Variants in CCPG1 observed in about 807,000 individuals in gnomAD.
CCPG1 encodes the protein cell cycle progression protein 1.
In CCPG1, 46 loss-of-function variants were observed where a neutral mutation model predicts 81.3. The ratio of observed to expected loss-of-function variants is 0.57; its 90% CI spans 0.45 to 0.72. The LOEUF is 0.72. Ranked by LOEUF, CCPG1 falls within the 30% of genes least tolerant of loss-of-function variation. The pLI is 0.00. For missense variants in CCPG1, 902 were observed against 937.6 expected (o/e 0.96, Z 0.50); for synonymous variants, 330 against 305.2 (o/e 1.08, Z -0.85).
At position 55,385,583 on chromosome 15, in the gene CCPG1, A is replaced by G. The variant is rs1362319930; in HGVS notation, c.175+17T>C. 2.2e-6 allele frequency: 3 copies of G among 1,371,930 alleles called. No homozygotes were observed. The highest frequency in any genetic ancestry group is 3.0e-6 in the Non-Finnish European group (3 of 989,072). 85.0% of individuals were successfully genotyped at this position (1,371,930 alleles called of 1,614,324 possible). A position where few individuals can be genotyped will look rare whatever the true frequency, so the allele number is the denominator to read the frequency against. ...ATATCATATTAAAAAAAAAATTAGA[A>G]TTTGTGAACAACTTACCTCCTTGCT... On this transcript the variant is annotated intron_variant, in intron 3 of 8. Coordinates refer to ENST00000442196, the MANE Select transcript of CCPG1 (RefSeq NM_001204450.2).
chr15:55,368,640 T>C (rs1035273663), intron 6 of CCPG1, among the ~76,000 whole-genome samples: 3 of 152,224 alleles, frequency 2.0e-5, no homozygotes, highest in African/African-American at 7.2e-5. Flanking sequence ...CTCATGAAAC[T>C]TTTTAATAAA....
At chr15:55,365,417 T>A in intron 6 of CCPG1, 108 bp from the exon 7 acceptor site, 1 of 655,476 alleles carries the variant, frequency 1.5e-6, no homozygotes, top group Non-Finnish European at 2.5e-6. Flanking sequence ...AGTCTTTTTT[T>A]TGTTTTTTTT....
rs200103886 is a variant in CCPG1, at chr15:55,365,410, CTTTTTTTTGTTTT to C, written c.707-114_707-102del. The C allele has an allele frequency of 8.0e-3, 4,389 of 547,192 alleles. 118 individuals carry two copies. Among genetic ancestry groups the C allele is most frequent in the African/African-American group, 0.076 (3,472 of 45,716 alleles). 33.9% of individuals were successfully genotyped at this position (547,192 alleles called of 1,614,324 possible). A position where few individuals can be genotyped will look rare whatever the true frequency, so the allele number is the denominator to read the frequency against. The stretch of plus-strand genomic sequence containing the variant: ...GTAATCTGCATATAAGCTATGTAGT[CTTTTTTTTGTTTT>C]TTTTTTTTGTTTTTTTTTTGTTTTT... On this transcript the variant is annotated intron_variant, in intron 6 of 8. Coordinates refer to ENST00000442196, the MANE Select transcript of CCPG1 (RefSeq NM_001204450.2).
intron 5 of CCPG1, among the ~76,000 whole-genome samples, chr15:55,376,569 T>A (rs923352758): frequency 6.6e-6 from 1 of 152,188 alleles, no homozygotes. Flanking sequence ...TTAATAACAA[T>A]TTTTTTCACT....
In CCPG1 at chr15:55,385,544, A is replaced by G; in HGVS notation, c.175+56T>C. 3.5e-6 allele frequency: 3 copies of G among 854,776 alleles called. No homozygotes were observed. The South Asian group carries it at 5.3e-5, about 15-fold the overall frequency. The allele number at this position is 854,776 out of a possible 1,614,324, so 52.9% of individuals were successfully genotyped here. On this transcript the variant is annotated intron_variant, in intron 3 of 8. Coordinates refer to ENST00000442196, the MANE Select transcript of CCPG1 (RefSeq NM_001204450.2). ...CCCACCTGGAAAGAAGGCAAGACTC[A>G]TAATATCACTCATATATCATATTAA... is the stretch of plus-strand genomic sequence containing the variant.
At chr15:55,389,503 A>C (rs1438785607) in intron 1 of CCPG1, 70 bp from the exon 2 acceptor site, 2 of 1,067,758 alleles carry the variant, frequency 1.9e-6, no homozygotes, top group Non-Finnish European at 2.9e-6. Context: ...ACTATATGTG[A>C]CACTAAGTTT....
chr15:55,380,154 A>G (rs1595844879), intron 3 of CCPG1, among the ~76,000 whole-genome samples: 2 of 151,932 alleles, frequency 1.3e-5, no homozygotes, highest in African/African-American at 2.4e-5. Flanking sequence ...TAAAAATAAT[A>G]TAACATATAA....
chr15:55,372,160 A>C, intron 5 of CCPG1, 116 bp from the exon 6 acceptor site: 1 of 943,414 alleles, frequency 1.1e-6, no homozygotes, highest in Non-Finnish European at 1.6e-6. Context: ...TAAGATAGCC[A>C]AAAACAAAAA....
At chr15:55,389,245 A>C (rs939986338) in intron 2 of CCPG1, 120 bp downstream of exon 2, 3 of 683,982 alleles carry the variant, frequency 4.4e-6, no homozygotes, top group Non-Finnish European at 7.7e-6. Context: ...TGAGAGGGAA[A>C]ATGTCCATTG....
At chr15:55,388,692 A>G (rs1057014248) in intron 2 of CCPG1, among the ~76,000 whole-genome samples, 20 of 152,250 alleles carry the variant, frequency 1.3e-4, no homozygotes, top group Admixed American at 1.2e-3. Flanking sequence ...GTTAAAGGTT[A>G]CATGGTACTA....
At chr15:55,382,935 G>A (rs915324526) in intron 3 of CCPG1, among the ~76,000 whole-genome samples, 1 of 152,110 alleles carries the variant, frequency 6.6e-6, no homozygotes, top group African/African-American at 2.4e-5. Flanking sequence ...TCCTGTTAAT[G>A]TTGATATTTT....
chr15:55,404,810 G>A (rs2057186561), intron 1 of CCPG1, among the ~76,000 whole-genome samples: 1 of 152,114 alleles, frequency 6.6e-6, no homozygotes, highest in African/African-American at 2.4e-5. Flanking sequence ...GGTGGCTCAC[G>A]CCTGTAATGC....
At chr15:55,363,607 C>T (rs1175649496) in intron 7 of CCPG1, among the ~76,000 whole-genome samples, 2 of 150,440 alleles carry the variant, frequency 1.3e-5, no homozygotes, top group South Asian at 2.2e-4. Context: ...ATGGCAGAAG[C>T]TAGGCAGGGT....
At chr15:55,390,377 C>T in intron 1 of CCPG1, among the ~76,000 whole-genome samples, 1 of 152,194 alleles carries the variant, frequency 6.6e-6, no homozygotes, top group East Asian at 1.9e-4. Flanking sequence ...GTCACTCCAC[C>T]TGGTTTTTTC....
Position 55,365,749 on chromosome 15 carries a change from G to A in CCPG1, c.707-440C>T, listed in dbSNP as rs941361680. On this transcript the variant is annotated intron_variant, in intron 6 of 8. Coordinates refer to ENST00000442196, the MANE Select transcript of CCPG1 (RefSeq NM_001204450.2). ...AATCTTGACAATCATTTCATTCAGA[G>A]TATCAGCATTTCACCGTTCTTTAAA... is the stretch of plus-strand genomic sequence containing the variant. Among the ~76,000 whole-genome samples the A allele has an allele frequency of 3.3e-5, 5 of 151,384 alleles. No individual in the cohort carries two copies. In the East Asian group the frequency reaches 9.8e-4, roughly 30 times the overall value.
At position 55,400,093 on chromosome 15, in the gene CCPG1, G is replaced by C. The variant is rs535422328; in HGVS notation, c.-10+8128C>G. On this transcript the variant is annotated intron_variant, in intron 1 of 8. Coordinates refer to ENST00000442196, the MANE Select transcript of CCPG1 (RefSeq NM_001204450.2). ...ATAGTGGCAGGAGCCTTTAATCCCAGCTACTCGGGAGGCTGAGGCACAAGA... is the reference window on the plus strand; with the variant it reads ...ATAGTGGCAGGAGCCTTTAATCCCACCTACTCGGGAGGCTGAGGCACAAGA... Among the ~76,000 whole-genome samples the C allele has an allele frequency of 5.0e-3, 747 of 150,336 alleles. 5 individuals carry two copies. The highest frequency in any genetic ancestry group is 8.4e-3 in the Admixed American group (125 of 14,930).
At chr15:55,379,350 C>A (rs1392626422) in intron 3 of CCPG1, among the ~76,000 whole-genome samples, 3 of 151,710 alleles carry the variant, frequency 2.0e-5, no homozygotes, top group Admixed American at 6.6e-5. Flanking sequence ...CAGCAAGACC[C>A]TGTCTCTACA....
chr15:55,404,993 G>A (rs1268448704), intron 1 of CCPG1, among the ~76,000 whole-genome samples: 1 of 151,948 alleles, frequency 6.6e-6, no homozygotes, highest in Admixed American at 6.6e-5. Flanking sequence ...GGGAGGCCAA[G>A]GCGGACAGAT....
intron 3 of CCPG1, 42 bp downstream of exon 3, chr15:55,385,558 A>G (rs1566977552): frequency 2.0e-6 from 2 of 1,003,198 alleles, no homozygotes; most frequent in Non-Finnish European, 3.0e-6. Context: ...TATCACTCAT[A>G]TATCATATTA....
Sources: allele counts gnomAD v4.1 joint callset (sites outside exome capture counted in the v4.1 genomes callset), GRCh38; gene constraint gnomAD v4.1.1; transcripts MANE v1.5; gene names NCBI Gene and HGNC (gene_info 2026-07-23, HGNC 2026-07-21).